The following KIF5C variants were observed in gnomAD, a reference collection of about 807,000 sequenced individuals.
The protein encoded by KIF5C is kinesin heavy chain isoform 5C.
KIF5C carries 18 observed loss-of-function variants against 125.2 expected under a neutral mutation model. That is an observed-to-expected ratio of 0.14 (90% confidence interval 0.10 to 0.21). The LOEUF is 0.21. KIF5C is among the 10% of genes least tolerant of loss of function. The pLI is 1.00. For synonymous variants in KIF5C, 405 were observed against 434.0 expected (o/e 0.93, Z 0.83); for missense variants, 780 against 1,183.8 (o/e 0.66, Z 5.01).
chr2:148,942,810 C>G, intron 7 of KIF5C, 50 bp downstream of exon 7: 1 of 1,576,090 alleles, frequency 6.3e-7, no homozygotes, highest in Non-Finnish European at 8.6e-7. Flanking sequence ...AGACAGATAT[C>G]TGCCCACCAA....
At chr2:148,896,494 C>T (rs1681847741) in intron 1 of KIF5C, among the ~76,000 whole-genome samples, 3 of 152,168 alleles carry the variant, frequency 2.0e-5, no homozygotes, top group Admixed American at 2.0e-4. Context: ...GGACTGCCTC[C>T]CCTCTGGAGC....
chr2:148,895,854 ACACACACACACACACACACACC>A (rs1023298374), intron 1 of KIF5C, among the ~76,000 whole-genome samples: 1 of 24,878 alleles, frequency 4.0e-5, no homozygotes, highest in African/African-American at 7.4e-5. Flanking sequence ...TGACACACAC[ACACACACACACACACACACACC>A]CACAGAGATC....
chr2:148,993,352 C>G (rs1681577649), intron 16 of KIF5C, among the ~76,000 whole-genome samples: 1 of 152,190 alleles, frequency 6.6e-6, no homozygotes, highest in Non-Finnish European at 1.5e-5. Flanking sequence ...CTAAAGTTCT[C>G]TTTCTGCATC....
chr2:148,920,116 G>C (rs907896947), intron 1 of KIF5C, among the ~76,000 whole-genome samples: 59 of 152,010 alleles, frequency 3.9e-4, no homozygotes, highest in Non-Finnish European at 1.3e-4. Flanking sequence ...TTTGTACCAT[G>C]TGCTATAATT....
rs542945653 is a variant in KIF5C, at chr2:148,996,892, T to C, written c.2024-372T>C. Among the ~76,000 whole-genome samples the C allele has an allele frequency of 3.9e-5, 6 of 152,318 alleles. No homozygotes were observed. The South Asian group carries it at 1.2e-3, about 32-fold the overall frequency. ...AACAGTCACAGAGGGCTTTATCATC[T>C]GTAAGGCCCGTTCATGCACATGACC... is the stretch of plus-strand genomic sequence containing the variant. On this transcript the variant is annotated intron_variant, in intron 17 of 25. Coordinates refer to ENST00000435030, the MANE Select transcript of KIF5C (RefSeq NM_004522.3).
At chr2:148,878,183 A>G (rs1412390098) in intron 1 of KIF5C, 1 of 152,046 alleles carries the variant, frequency 6.6e-6, no homozygotes, top group Non-Finnish European at 1.5e-5. Context: ...CACCTCACAG[A>G]CTAAGAAACA....
chr2:148,893,255 G>T (rs901702658), intron 1 of KIF5C, among the ~76,000 whole-genome samples: 1 of 152,108 alleles, frequency 6.6e-6, no homozygotes, highest in Non-Finnish European at 1.5e-5. Flanking sequence ...GAACACTGTT[G>T]CTAAACTCTT....
intron 11 of KIF5C, among the ~76,000 whole-genome samples, chr2:148,969,919 G>A (rs772163640): frequency 1.3e-5 from 2 of 152,210 alleles, no homozygotes; most frequent in Non-Finnish European, 2.9e-5. Context: ...TTGAAGAGTA[G>A]TGGTGTTGGA....
At chr2:148,946,224 A>G (rs58156012) in intron 7 of KIF5C, among the ~76,000 whole-genome samples, 20,900 of 152,172 alleles carry the variant, frequency 0.14, 2,196 homozygotes, top group African/African-American at 0.29. Context: ...GGCTTTTTAC[A>G]TATAATCTGG....
rs541769943 is a variant in KIF5C at position 148,947,767 on chromosome 2, C to T, written c.714+744C>T. ...CACCCTGTCTGGAGGCACTGACCTC[C>T]CTCGAGCAACATCATAGAGCAAGGC... is the stretch of plus-strand genomic sequence containing the variant. On this transcript the variant is annotated intron_variant, in intron 8 of 25. Transcript: ENST00000435030. 27 of 397,210 alleles carry T rather than the reference C, an allele frequency of 6.8e-5. No individual in the cohort carries two copies. In the East Asian group the frequency reaches 1.9e-3, roughly 28 times the overall value. The allele number at this position is 397,210 out of a possible 1,614,324, so 24.6% of individuals were successfully genotyped here.
chr2:148,983,640 G>C lies in KIF5C; in HGVS notation c.1590G>C (p.Gln530His), dbSNP rs1681295759. ...TTCAGACTACATTGACAACCACACA[G>C]AGAGAGCTGAGCCAGCTACAAGAGC... ...AQKTTTLTTT[Q>H]RELSQLQELS... The change falls in exon 15 of 26, where the codon CAG (glutamine) becomes CAC (histidine). Residue 530 changes from glutamine to histidine, a missense_variant. Gln to His is a conservative substitution (Grantham distance 24, BLOSUM62 0). This residue lies in a region of KIF5C where 573 missense variants were observed against 742.6 expected (regional missense o/e 0.77). Transcript: ENST00000435030. 4 of 1,595,022 alleles carry C rather than the reference G, an allele frequency of 2.5e-6. No homozygotes were observed. The highest frequency in any genetic ancestry group is 3.4e-6 in the Non-Finnish European group (4 of 1,169,240).
At chr2:148,905,000 A>G (rs1681048543) in intron 1 of KIF5C, among the ~76,000 whole-genome samples, 1 of 152,218 alleles carries the variant, frequency 6.6e-6, no homozygotes, top group African/African-American at 2.4e-5. Context: ...TCTTAATAAA[A>G]GGAAAGAACA....
At chr2:148,932,006 G>A (rs1574763318) in intron 3 of KIF5C, among the ~76,000 whole-genome samples, 1 of 152,076 alleles carries the variant, frequency 6.6e-6, no homozygotes. Flanking sequence ...TCACTTAATC[G>A]AGTTCTTTCT....
At chr2:148,888,811 C>T (rs1294629037) in intron 1 of KIF5C, 3 of 151,922 alleles carry the variant, frequency 2.0e-5, no homozygotes, top group Admixed American at 1.3e-4. Context: ...GTATATCCAA[C>T]CACAGATATA....
chr2:148,912,469 G>A (rs1357934538), intron 1 of KIF5C, among the ~76,000 whole-genome samples: 1 of 152,250 alleles, frequency 6.6e-6, no homozygotes, highest in African/African-American at 2.4e-5. Flanking sequence ...GTTGGAGTCA[G>A]GGTCTTGCTC....
At chr2:148,918,736 C>G (rs957359184) in intron 1 of KIF5C, among the ~76,000 whole-genome samples, 1 of 152,136 alleles carries the variant, frequency 6.6e-6, no homozygotes, top group Non-Finnish European at 1.5e-5. Context: ...AGGGTCTAAT[C>G]TAAGAATAAT....
At chr2:148,883,850 T>C (rs1170262188) in intron 1 of KIF5C, 1 of 152,180 alleles carries the variant, frequency 6.6e-6, no homozygotes, top group Non-Finnish European at 1.5e-5. Flanking sequence ...CATACCTCCT[T>C]GTGGACTTGC....
At chr2:148,903,224 G>A (rs1266302656) in intron 1 of KIF5C, among the ~76,000 whole-genome samples, 1 of 152,134 alleles carries the variant, frequency 6.6e-6, no homozygotes, top group African/African-American at 2.4e-5. Context: ...TAATGCTCAT[G>A]TTGCCTTTAA....
rs150122079 is a variant in KIF5C, at chr2:148,982,088, A to G, written c.1569+527A>G. ...GAGCAGGGTCCCATAGAAGGTATGG[A>G]CTTCACTCTTCTTGCTTATACCCTC... On this transcript the variant is annotated intron_variant, in intron 14 of 25. Transcript: ENST00000435030. Among the ~76,000 whole-genome samples, 1,254 of 152,334 alleles carry G rather than the reference A, an allele frequency of 8.2e-3. 7 individuals carry two copies. The highest frequency in any genetic ancestry group is 0.015 in the Non-Finnish European group (1,010 of 68,024).
Sources: gnomAD v4.1 joint callset for allele counts (sites outside exome capture counted in the v4.1 genomes callset) on GRCh38, gnomAD v4.1.1 for gene constraint, gnomAD v4.1.1 regional missense constraint, MANE v1.5 for transcripts, NCBI Gene and HGNC (gene_info 2026-07-23, HGNC 2026-07-21) for gene names.